RFX4: variants seen among roughly 807,000 people sequenced by gnomAD.
The protein encoded by RFX4 is transcription factor RFX4.
In RFX4, 10 loss-of-function variants were observed where a neutral mutation model predicts 95.0. The ratio of observed to expected loss-of-function variants is 0.11; its 90% CI spans 0.06 to 0.18. The LOEUF is 0.18. Ranked by LOEUF, RFX4 falls within the 10% of genes least tolerant of loss-of-function variation. RFX4 has a pLI of 1.00. For synonymous variants in RFX4, 321 were observed against 340.7 expected (o/e 0.94, Z 0.64); for missense variants, 640 against 922.0 (o/e 0.69, Z 3.96).
chr12:106,722,714 A>C (rs2137534691), intron 13 of RFX4, among the ~76,000 whole-genome samples: 1 of 152,312 alleles, frequency 6.6e-6, no homozygotes, highest in Non-Finnish European at 1.5e-5. Context: ...ACCTGTCTCC[A>C]AGTCCATTTA....
At chr12:106,601,089 C>T (rs1232976448) in intron 1 of RFX4, 2 of 1,374,208 alleles carry the variant, frequency 1.5e-6, no homozygotes, top group East Asian at 2.7e-5. Context: ...AGAGGCAGGG[C>T]AGGGCCCCTT....
chr12:106,654,175 C>A, intron 3 of RFX4, 53 bp from the exon 4 acceptor site: 1 of 1,612,128 alleles, frequency 6.2e-7, no homozygotes, highest in South Asian at 1.1e-5. Context: ...ACAGACCGTT[C>A]TTGCTTGGGG....
intron 1 of RFX4, chr12:106,601,424 G>A: frequency 7.0e-7 from 1 of 1,432,554 alleles, no homozygotes; most frequent in Non-Finnish European, 9.4e-7. Context: ...GGCCCGCCTT[G>A]GTAGCTGTGA....
At chr12:106,756,265 G>A (rs1440494566) in intron 17 of RFX4, among the ~76,000 whole-genome samples, 2 of 152,168 alleles carry the variant, frequency 1.3e-5, no homozygotes, top group African/African-American at 4.8e-5. Flanking sequence ...AAATAAACCA[G>A]ACCAAGTACA....
intron 1 of RFX4, among the ~76,000 whole-genome samples, chr12:106,589,113 G>A (rs2039503034): frequency 6.6e-6 from 1 of 152,088 alleles, no homozygotes; most frequent in Non-Finnish European, 1.5e-5. Context: ...CCCCAATGTT[G>A]TTTTTAACCT....
intron 4 of RFX4, among the ~76,000 whole-genome samples, chr12:106,661,400 A>T (rs1476279258): frequency 6.6e-6 from 1 of 152,236 alleles, no homozygotes; most frequent in Non-Finnish European, 1.5e-5. Flanking sequence ...TTTTTAAAAG[A>T]GAAATTTTAG....
chr12:106,672,818 A>G (rs527716894), intron 4 of RFX4, among the ~76,000 whole-genome samples: 1 of 151,460 alleles, frequency 6.6e-6, no homozygotes, highest in South Asian at 2.1e-4. Context: ...TTGCAGCTGC[A>G]AGGAGGAGGT....
intron 2 of RFX4, among the ~76,000 whole-genome samples, chr12:106,617,791 A>G (rs1257667428): frequency 6.6e-6 from 1 of 152,168 alleles, no homozygotes; most frequent in Non-Finnish European, 1.5e-5. Flanking sequence ...CAGTGGTGCA[A>G]TCTCAGCTCA....
chr12:106,725,491 G>C (rs1355326669), intron 13 of RFX4, among the ~76,000 whole-genome samples: 1 of 152,144 alleles, frequency 6.6e-6, no homozygotes, highest in Non-Finnish European at 1.5e-5. Context: ...CTATAACATG[G>C]AGTAATGAGA....
intron 10 of RFX4, chr12:106,715,176 C>G (rs1352759914): frequency 2.0e-6 from 1 of 507,582 alleles, no homozygotes; most frequent in Middle Eastern, 5.5e-4. Context: ...CTCGCAGTTT[C>G]TTGTAGAGAA....
chr12:106,714,268 G>T (rs2042247784), intron 10 of RFX4, among the ~76,000 whole-genome samples: 1 of 151,920 alleles, frequency 6.6e-6, no homozygotes, highest in Admixed American at 6.6e-5. Flanking sequence ...CTACTTGCCT[G>T]CCCCAAGTCA....
At chr12:106,728,844 T>G (rs1404769541) in intron 13 of RFX4, among the ~76,000 whole-genome samples, 2 of 152,234 alleles carry the variant, frequency 1.3e-5, no homozygotes, top group Non-Finnish European at 2.9e-5. Context: ...TTATGCCTCC[T>G]TTGTACTCAG....
intron 1 of RFX4, among the ~76,000 whole-genome samples, chr12:106,604,723 T>A (rs1042502973): frequency 4.6e-5 from 7 of 152,164 alleles, no homozygotes; most frequent in African/African-American, 1.4e-4. Flanking sequence ...ACGGGCTCCA[T>A]TATTAAGTGG....
chr12:106,653,623 C>T (rs1183459547), intron 3 of RFX4, among the ~76,000 whole-genome samples: 1 of 152,166 alleles, frequency 6.6e-6, no homozygotes, highest in Non-Finnish European at 1.5e-5. Context: ...AATCATTATT[C>T]CTAGCACAGC....
At chr12:106,683,790 G>A (rs1156520955) in intron 5 of RFX4, 1 of 152,226 alleles carries the variant, frequency 6.6e-6, no homozygotes, top group Non-Finnish European at 1.5e-5. Context: ...AGAGAGAGCA[G>A]AAAGGTTTCC....
intron 13 of RFX4, among the ~76,000 whole-genome samples, chr12:106,725,723 A>C (rs1050203208): frequency 1.3e-5 from 2 of 152,182 alleles, no homozygotes; most frequent in African/African-American, 4.8e-5. Context: ...TTAAATGGAA[A>C]AGAAGAATTG....
intron 9 of RFX4, 96 bp downstream of exon 9, chr12:106,709,526 A>C (rs531410856): frequency 3.7e-5 from 31 of 837,252 alleles, no homozygotes; most frequent in African/African-American, 3.1e-4. Context: ...GCTACTGTTT[A>C]CTGGTTGACT....
At chr12:106,625,342 G>T (rs1268816371) in intron 2 of RFX4, among the ~76,000 whole-genome samples, 6 of 152,210 alleles carry the variant, frequency 3.9e-5, no homozygotes, top group African/African-American at 1.4e-4. Context: ...ATGGAATGCA[G>T]TTGGAAAGAA....
intron 1 of RFX4, among the ~76,000 whole-genome samples, chr12:106,589,050 G>T (rs2039501756): frequency 6.6e-6 from 1 of 152,128 alleles, no homozygotes; most frequent in African/African-American, 2.4e-5. Context: ...AAACTCTTCA[G>T]CTGCCCCTCT....
Sources: allele counts gnomAD v4.1 joint callset (sites outside exome capture counted in the v4.1 genomes callset), GRCh38; gene constraint gnomAD v4.1.1; transcripts MANE v1.5; gene names NCBI Gene and HGNC (gene_info 2026-07-23, HGNC 2026-07-21).